Variants in NEK11 observed in about 807,000 individuals in gnomAD.
NEK11 encodes the protein NIMA related kinase 11.
NEK11 carries 72 observed loss-of-function variants against 80.7 expected under a neutral mutation model. That is an observed-to-expected ratio of 0.89 (90% CI 0.74 to 1.08). The LOEUF (loss-of-function observed/expected upper bound fraction) is 1.08. Among genes scored for constraint, NEK11 ranks in the 50% least tolerant of loss-of-function variants. NEK11 has a pLI of 0.00. For missense variants in NEK11, 764 were observed against 763.6 expected, an observed-to-expected ratio of 1.00 and a Z score of -0.01; for synonymous variants, 251 against 260.7, an observed-to-expected ratio of 0.96 and a Z score of 0.36.
At chr3:131,076,103 C>T (rs900077240) in intron 3 of NEK11, among the ~76,000 whole-genome samples, 1 of 152,176 alleles carries the variant, frequency 6.6e-6, no homozygotes, top group Non-Finnish European at 1.5e-5. Flanking sequence ...AGCACCCAAG[C>T]TCAAGAGAGG....
chr3:131,027,873 G>C (rs938329531), intron 1 of NEK11, 57 bp from the exon 2 acceptor site: 2 of 152,086 alleles, frequency 1.3e-5, no homozygotes, highest in Non-Finnish European at 2.9e-5. Flanking sequence ...TAAAATAAGA[G>C]CCGCTAGAAG....
chr3:131,140,177 A>G (rs535823875), intron 7 of NEK11, among the ~76,000 whole-genome samples: 14 of 152,290 alleles, frequency 9.2e-5, no homozygotes, highest in African/African-American at 3.4e-4. Flanking sequence ...AATTGATGCT[A>G]TGTGACTTCT....
chr3:131,221,493 T>G (rs2095025116), intron 14 of NEK11, among the ~76,000 whole-genome samples: 1 of 152,096 alleles, frequency 6.6e-6, no homozygotes, highest in Admixed American at 6.6e-5. Context: ...TAAGAACCAT[T>G]CTGGGAAGCC....
intron 5 of NEK11, among the ~76,000 whole-genome samples, chr3:131,118,664 T>G (rs2081762646): frequency 6.6e-6 from 1 of 152,354 alleles, no homozygotes; most frequent in Non-Finnish European, 1.5e-5. Flanking sequence ...GTTATTAGTC[T>G]ATTCAGGGAT....
At chr3:131,332,272 C>T (rs1303721756) in intron 17 of NEK11, among the ~76,000 whole-genome samples, 8 of 152,204 alleles carry the variant, frequency 5.3e-5, no homozygotes, top group African/African-American at 1.9e-4. Context: ...GACAAAACTT[C>T]CAGAGGAACG....
At chr3:131,042,447 G>A (rs1374348869) in intron 3 of NEK11, among the ~76,000 whole-genome samples, 1 of 152,144 alleles carries the variant, frequency 6.6e-6, no homozygotes, top group African/African-American at 2.4e-5. Flanking sequence ...CACCATTACT[G>A]AGGCTTGAGT....
intron 17 of NEK11, among the ~76,000 whole-genome samples, chr3:131,279,395 G>T (rs949431030): frequency 4.6e-5 from 7 of 152,064 alleles, no homozygotes; most frequent in African/African-American, 1.7e-4. Flanking sequence ...TTAATAAGGA[G>T]TATATAATTT....
intron 5 of NEK11, among the ~76,000 whole-genome samples, chr3:131,129,993 G>T (rs1290319623): frequency 1.3e-5 from 2 of 152,216 alleles, no homozygotes; most frequent in African/African-American, 4.8e-5. Flanking sequence ...TTTGATTGGG[G>T]TTACATTGCA....
rs2097215935 is a variant in NEK11, at chr3:131,337,955, T to TC, written c.1719-11602_1719-11601insC. ...TGCTTGGCATAAATTTTTTTTCTTT[T>TC]TTTTTGAAACGGAGTCTTGCTCTGT... On this transcript the variant is annotated intron_variant, in intron 17 of 17. Transcript: ENST00000383366. Among the ~76,000 whole-genome samples the TC allele has an allele frequency of 3.3e-5, 5 of 152,298 alleles. No homozygotes were observed. In the South Asian group the frequency reaches 1.0e-3, roughly 32 times the overall value.
intron 14 of NEK11, among the ~76,000 whole-genome samples, chr3:131,187,047 A>G (rs2093628162): frequency 6.6e-6 from 1 of 152,306 alleles, no homozygotes; most frequent in Non-Finnish European, 1.5e-5. Context: ...TAGATTTTGA[A>G]GACAAGGAAA....
intron 4 of NEK11, 95 bp downstream of exon 4, chr3:131,080,683 C>G (rs999055200): frequency 9.6e-7 from 1 of 1,041,724 alleles, no homozygotes; most frequent in African/African-American, 1.6e-5. Context: ...AATTATCACA[C>G]CATAAATTGA....
intron 3 of NEK11, among the ~76,000 whole-genome samples, chr3:131,049,439 C>G (rs2067976757): frequency 6.6e-6 from 1 of 152,138 alleles, no homozygotes; most frequent in South Asian, 2.1e-4. Flanking sequence ...AAGACTTAGC[C>G]CACTTGTATC....
chr3:131,034,263 A>G (rs1173727561), intron 3 of NEK11, among the ~76,000 whole-genome samples: 2 of 152,246 alleles, frequency 1.3e-5, no homozygotes, highest in African/African-American at 2.4e-5. Context: ...TTCAACATTC[A>G]TCTTATCAGC....
intron 10 of NEK11, among the ~76,000 whole-genome samples, chr3:131,160,235 C>G (rs1234499393): frequency 6.6e-6 from 1 of 152,172 alleles, no homozygotes; most frequent in East Asian, 1.9e-4. Context: ...GATGTCTCAG[C>G]TGAAACCTTA....
At chr3:131,264,681 G>A (rs1167759552) in intron 16 of NEK11, among the ~76,000 whole-genome samples, 1 of 152,190 alleles carries the variant, frequency 6.6e-6, no homozygotes, top group Non-Finnish European at 1.5e-5. Context: ...GCTTAGGATT[G>A]TCTTGGCAAT....
chr3:131,101,832 C>G (rs563038135), intron 4 of NEK11, among the ~76,000 whole-genome samples: 4 of 152,274 alleles, frequency 2.6e-5, no homozygotes, highest in Admixed American at 2.6e-4. Context: ...TGAAGCCTCA[C>G]TGTATTACTA....
At chr3:131,205,493 T>C (rs2094416956) in intron 14 of NEK11, among the ~76,000 whole-genome samples, 2 of 152,202 alleles carry the variant, frequency 1.3e-5, no homozygotes, top group African/African-American at 2.4e-5. Context: ...TTGATCCCTT[T>C]ACCATTTCCT....
At position 131,034,131 on chromosome 3, in the gene NEK11, C is replaced by T. The variant is rs977887798; in HGVS notation, c.170+4253C>T. Among the ~76,000 whole-genome samples the T allele has an allele frequency of 7.2e-5, 11 of 152,220 alleles. No individual in the cohort carries two copies. The South Asian group carries it at 2.3e-3, about 32-fold the overall frequency. On this transcript the variant is annotated intron_variant, in intron 3 of 17. Transcript: ENST00000383366. The stretch of plus-strand genomic sequence containing the variant: ...AAAGATTTGATCAGCCCAGAAATTA[C>T]TTTGGCCCTTAACATTAGCATAGTG...
intron 14 of NEK11, among the ~76,000 whole-genome samples, chr3:131,199,593 CTT>C (rs560511637): frequency 6.9e-6 from 1 of 144,550 alleles, no homozygotes; most frequent in Non-Finnish European, 1.5e-5. Context: ...GAATACAATG[CTT>C]TTTTTTTTTA....
Sources: gnomAD v4.1 joint callset for allele counts (sites outside exome capture counted in the v4.1 genomes callset) on GRCh38, gnomAD v4.1.1 for gene constraint, MANE v1.5 for transcripts, NCBI Gene and HGNC (gene_info 2026-07-23, HGNC 2026-07-21) for gene names.